Variants in GRM8 observed in about 807,000 individuals in gnomAD.
The protein encoded by GRM8 is metabotropic glutamate receptor 8.
A neutral mutation model predicts 87.2 loss-of-function variants in GRM8; 47 were observed. That is an observed-to-expected ratio of 0.54 (90% CI 0.43 to 0.69). The LOEUF (loss-of-function observed/expected upper bound fraction) is 0.69, where lower values mean the gene tolerates loss of function less well. GRM8 is among the 30% of genes least tolerant of loss of function. The pLI is 0.00. For missense variants in GRM8, 1,019 were observed against 1,139.2 expected, an observed-to-expected ratio of 0.89 and a Z score of 1.52; for synonymous variants, 396 against 404.5, an observed-to-expected ratio of 0.98 and a Z score of 0.25.
chr7:126,527,732 C>T (rs143036140), intron 9 of GRM8, among the ~76,000 whole-genome samples: 1 of 152,274 alleles, frequency 6.6e-6, no homozygotes, highest in East Asian at 1.9e-4. Flanking sequence ...TCAGCAACTG[C>T]TCTCTGATGA....
At chr7:126,987,141 A>G (rs2131908083) in intron 3 of GRM8, among the ~76,000 whole-genome samples, 1 of 152,288 alleles carries the variant, frequency 6.6e-6, no homozygotes, top group Non-Finnish European at 1.5e-5. Flanking sequence ...CCATATTTGG[A>G]ATCTGATTTA....
intron 8 of GRM8, among the ~76,000 whole-genome samples, chr7:126,596,791 AT>A (rs1005850377): frequency 1.3e-5 from 2 of 152,162 alleles, no homozygotes; most frequent in African/African-American, 4.8e-5. Context: ...AGATTGATAG[AT>A]TATATAAATG....
intron 2 of GRM8, among the ~76,000 whole-genome samples, chr7:127,179,209 T>C (rs995447377): frequency 2.0e-5 from 3 of 152,156 alleles, no homozygotes; most frequent in Non-Finnish European, 2.9e-5. Flanking sequence ...GCTACTCTTA[T>C]ATCAGACAAA....
intron 6 of GRM8, among the ~76,000 whole-genome samples, chr7:126,779,784 A>T (rs1278934825): frequency 2.6e-5 from 4 of 152,046 alleles, no homozygotes; most frequent in African/African-American, 9.7e-5. Flanking sequence ...TTTTTCTCTC[A>T]TTTAAATTCT....
chr7:126,564,413 A>T (rs187345036), intron 8 of GRM8, among the ~76,000 whole-genome samples: 1 of 152,340 alleles, frequency 6.6e-6, no homozygotes, highest in African/African-American at 2.4e-5. Context: ...ATTGCAACTG[A>T]TGCCAATGAA....
At chr7:126,671,849 C>T (rs746198695) in intron 7 of GRM8, among the ~76,000 whole-genome samples, 2 of 152,188 alleles carry the variant, frequency 1.3e-5, no homozygotes. Context: ...CACAAGACAT[C>T]CATTCCTCTC....
At chr7:127,234,381 C>A (rs1343871919) in intron 2 of GRM8, among the ~76,000 whole-genome samples, 1 of 152,126 alleles carries the variant, frequency 6.6e-6, no homozygotes, top group Non-Finnish European at 1.5e-5. Context: ...TATTCATGAG[C>A]TATGCATTAC....
At chr7:127,016,541 A>G (rs1815685437) in intron 3 of GRM8, among the ~76,000 whole-genome samples, 1 of 152,220 alleles carries the variant, frequency 6.6e-6, no homozygotes, top group African/African-American at 2.4e-5. Context: ...GTATCTATCA[A>G]AAAACCTCTC....
chr7:126,631,098 G>C (rs1344296604), intron 7 of GRM8, among the ~76,000 whole-genome samples: 2 of 152,112 alleles, frequency 1.3e-5, no homozygotes, highest in African/African-American at 4.8e-5. Context: ...AATTATCTTT[G>C]TTTGTAGATG....
chr7:126,860,948 G>A (rs552089269), intron 6 of GRM8, among the ~76,000 whole-genome samples: 15 of 152,110 alleles, frequency 9.9e-5, no homozygotes, highest in South Asian at 8.3e-4. Context: ...AATCCATTTC[G>A]TATGGTGAAC....
intron 3 of GRM8, among the ~76,000 whole-genome samples, chr7:127,068,060 T>C (rs1051259730): frequency 6.6e-6 from 1 of 152,102 alleles, no homozygotes; most frequent in African/African-American, 2.4e-5. Flanking sequence ...AATAAATAAA[T>C]AATTTACCAT....
chr7:126,968,296 C>T (rs950372338), intron 3 of GRM8, among the ~76,000 whole-genome samples: 2 of 152,184 alleles, frequency 1.3e-5, no homozygotes, highest in African/African-American at 4.8e-5. Context: ...ATTATCTAAT[C>T]ATCTGACTCC....
intron 3 of GRM8, among the ~76,000 whole-genome samples, chr7:126,923,317 A>G (rs1027046656): frequency 6.6e-6 from 1 of 152,176 alleles, no homozygotes; most frequent in African/African-American, 2.4e-5. Context: ...GCCTGGGTTT[A>G]AAGCATCTGC....
At chr7:126,609,220 A>C (rs1798667259) in intron 8 of GRM8, 142 bp downstream of exon 8, 1 of 547,116 alleles carries the variant, frequency 1.8e-6, no homozygotes. Flanking sequence ...AACATTTTTA[A>C]ATTGAAGAGA....
chr7:126,616,880 A>G (rs539936870), intron 7 of GRM8, among the ~76,000 whole-genome samples: 6 of 152,340 alleles, frequency 3.9e-5, no homozygotes, highest in African/African-American at 9.6e-5. Context: ...TGAGGCAATA[A>G]TTAATAGCCT....
intron 3 of GRM8, among the ~76,000 whole-genome samples, chr7:127,028,794 T>C (rs891604531): frequency 1.3e-5 from 2 of 152,050 alleles, no homozygotes; most frequent in African/African-American, 2.4e-5. Context: ...CCTGGATTCA[T>C]TGATTTTTTG....
rs571284329 is a variant in GRM8, at chr7:126,539,715, TC to T, written c.1495-5829del. Among the ~76,000 whole-genome samples, 150 of 152,062 alleles carry T rather than the reference TC, an allele frequency of 9.9e-4. 1 individual carries two copies. Among genetic ancestry groups the T allele is most frequent in the African/African-American group, 3.4e-3 (140 of 41,520 alleles). On this transcript the variant is annotated intron_variant, in intron 8 of 10. Transcript: ENST00000339582. ...AAAATTCAATAAAGAATTTTTTTTT[TC>T]AAAAAATGATGCCAAAATAACTGGA... is the stretch of plus-strand genomic sequence containing the variant.
intron 9 of GRM8, among the ~76,000 whole-genome samples, chr7:126,526,617 A>G (rs2150820320): frequency 6.6e-6 from 1 of 152,352 alleles, no homozygotes; most frequent in Middle Eastern, 3.4e-3. Context: ...GTAATCTAAA[A>G]AGATTCATTG....
At chr7:126,674,952 TGAG>T (rs1261451138) in intron 7 of GRM8, among the ~76,000 whole-genome samples, 3 of 152,124 alleles carry the variant, frequency 2.0e-5, no homozygotes, top group African/African-American at 4.8e-5. Context: ...AGGGCTAGGG[TGAG>T]GAGAAGAAAG....
Sources: gnomAD v4.1 joint callset for allele counts (sites outside exome capture counted in the v4.1 genomes callset) on GRCh38, gnomAD v4.1.1 for gene constraint, MANE v1.5 for transcripts, NCBI Gene and HGNC (gene_info 2026-07-23, HGNC 2026-07-21) for gene names.